Variants in ABCC3 observed in about 807,000 individuals in gnomAD.
ABCC3 encodes ATP-binding cassette sub-family C member 3.
In ABCC3, 121 loss-of-function variants were observed where a neutral mutation model predicts 165.3. The observed-to-expected ratio is 0.73, with a 90% confidence interval of 0.63 to 0.85. The LOEUF (loss-of-function observed/expected upper bound fraction) is 0.85. ABCC3 is among the 40% of genes least tolerant of loss of function. The pLI is 0.00. For synonymous variants in ABCC3, 733 were observed against 810.1 expected, an observed-to-expected ratio of 0.90 and a Z score of 1.62; for missense variants, 1,869 against 1,964.1, an observed-to-expected ratio of 0.95 and a Z score of 0.92.
Position 50,644,971 on chromosome 17 carries a change from TCA to T in ABCC3, c.45+9992_45+9993del, listed in dbSNP as rs976188402. Among the ~76,000 whole-genome samples the T allele has an allele frequency of 2.7e-4, 41 of 152,134 alleles. No individual in the cohort carries two copies. In the Middle Eastern group the frequency reaches 0.01, roughly 38 times the overall value. ...AGGCGGAGCTTGCAGTGAGCCGAGA[TCA>T]CGCCACTGCACTCCAGCCTGGGCGA... On this transcript the variant is annotated intron_variant, in intron 1 of 30. Transcript: ENST00000285238.
At chr17:50,689,438 G>A (rs1302053796) in intron 30 of ABCC3, among the ~76,000 whole-genome samples, 1 of 152,218 alleles carries the variant, frequency 6.6e-6, no homozygotes, top group Non-Finnish European at 1.5e-5. Flanking sequence ...GAGTGAACTG[G>A]CCCTGGCCTG....
chr17:50,657,833 T>C (rs949259099), intron 4 of ABCC3, among the ~76,000 whole-genome samples: 18 of 152,332 alleles, frequency 1.2e-4, no homozygotes, highest in African/African-American at 4.3e-4. Flanking sequence ...GATGTCCCAG[T>C]TAGACAAGGT....
rs1488595636 is a variant in ABCC3, at chr17:50,668,909, A to C, written c.1927A>C (p.Thr643Pro). Residue 643 changes from threonine to proline, a missense_variant, in exon 15 of 31, where the codon ACT (threonine) becomes CCT (proline). Transcript: ENST00000285238. Reference protein sequence around the residue: ...TFTWAQDLPPTLHSLDIQVPK... With the variant: ...TFTWAQDLPPPLHSLDIQVPK... ...CACCTGGGCCCAGGACCTGCCCCCC[A>C]CTCTGCACAGGTACCAGCTTCTCCC... 3 of 1,613,020 alleles carry C rather than the reference A, an allele frequency of 1.9e-6. No individual in the cohort carries two copies. The East Asian group carries it at 6.7e-5, about 36-fold the overall frequency.
intron 26 of ABCC3, among the ~76,000 whole-genome samples, chr17:50,682,778 C>G (rs575119321): frequency 6.6e-6 from 1 of 152,298 alleles, no homozygotes; most frequent in South Asian, 2.1e-4. Flanking sequence ...ACATAAATCT[C>G]ACGAGGGTGA....
At chr17:50,641,773 C>T (rs533549974) in intron 1 of ABCC3, among the ~76,000 whole-genome samples, 2 of 152,186 alleles carry the variant, frequency 1.3e-5, no homozygotes, top group South Asian at 4.1e-4. Context: ...AGGCCAGGTG[C>T]AGTGGCTCAT....
intron 1 of ABCC3, chr17:50,635,217 C>T (rs1327884712): frequency 6.4e-6 from 4 of 627,654 alleles, no homozygotes; most frequent in Non-Finnish European, 1.1e-5. Context: ...GGCTGCAGCA[C>T]TGGGGAGCCC....
chr17:50,648,054 T>A (rs977285494), intron 1 of ABCC3, among the ~76,000 whole-genome samples: 1 of 150,990 alleles, frequency 6.6e-6, no homozygotes, highest in Non-Finnish European at 1.5e-5. Context: ...AAAAAAAAAA[T>A]TGTAGTTGGA....
Position 50,691,209 on chromosome 17 carries a change from C to A in ABCC3, c.*9C>A. On this transcript the variant is annotated 3_prime_UTR_variant, in exon 31 of 31. Coordinates refer to ENST00000285238, the MANE Select transcript of ABCC3 (RefSeq NM_003786.4). ...ATGCTGGACTTGCCTAAAATATATTCCTGAGATTTCCTCCTGGCCTTTCCT... is the reference window on the plus strand; with the variant it reads ...ATGCTGGACTTGCCTAAAATATATTACTGAGATTTCCTCCTGGCCTTTCCT... 6.3e-7 allele frequency: 1 copy of A among 1,595,906 alleles called. No homozygotes were observed. The highest frequency in any genetic ancestry group is 8.6e-7 in the Non-Finnish European group (1 of 1,163,600).
At chr17:50,641,953 A>G (rs1462950465) in intron 1 of ABCC3, among the ~76,000 whole-genome samples, 1 of 151,928 alleles carries the variant, frequency 6.6e-6, no homozygotes, top group Admixed American at 6.6e-5. Context: ...AGGCTGAGGC[A>G]GGAGGATCGC....
At chr17:50,643,020 A>G (rs1049750580) in intron 1 of ABCC3, among the ~76,000 whole-genome samples, 4 of 152,252 alleles carry the variant, frequency 2.6e-5, no homozygotes, top group African/African-American at 9.6e-5. Context: ...CAACATCCAG[A>G]TAACAACTAG....
In ABCC3 at chr17:50,667,945, C is replaced by T; in HGVS notation, c.1718C>T (p.Ser573Phe). ...LDAEKAFVSV[S>F]LFNILRLPLN... ...GCCGAGAAGGCCTTTGTGTCTGTGT[C>T]CTTGTTTAATATCTTAAGACTTCCC... Residue 573 changes from serine to phenylalanine, a missense_variant, in exon 13 of 31, where the codon TCC becomes TTC. Coordinates refer to ENST00000285238, the MANE Select transcript of ABCC3 (RefSeq NM_003786.4). 6.2e-7 allele frequency: 1 copy of T among 1,614,172 alleles called. No individual in the cohort carries two copies. The highest frequency in any genetic ancestry group is 8.5e-7 in the Non-Finnish European group (1 of 1,180,036).
rs1162983310 is a variant in ABCC3, at chr17:50,669,128, C to T, written c.1938-12C>T. On this transcript the variant is annotated splice_polypyrimidine_tract_variant and intron_variant, in intron 15 of 30. Transcript: ENST00000285238. ...CTGCCTCTAACTGGACTCCTGGGGTCCTTGCCCCCAGCCTAGACATCCAGG... is the reference window on the plus strand; with the variant it reads ...CTGCCTCTAACTGGACTCCTGGGGTTCTTGCCCCCAGCCTAGACATCCAGG... 2.5e-6 allele frequency: 4 copies of T among 1,595,542 alleles called. No homozygotes were observed. The highest frequency in any genetic ancestry group is 3.7e-5 in the Admixed American group (2 of 54,548).
intron 13 of ABCC3, 125 bp from the exon 14 acceptor site, chr17:50,668,305 C>A: frequency 1.3e-6 from 1 of 778,086 alleles, no homozygotes; most frequent in Non-Finnish European, 2.1e-6. Context: ...GTGGGAGGGA[C>A]CCCAGTGCTA....
chr17:50,650,331 TC>T (rs1242612178), intron 1 of ABCC3, among the ~76,000 whole-genome samples: 2 of 152,164 alleles, frequency 1.3e-5, no homozygotes, highest in Non-Finnish European at 2.9e-5. Flanking sequence ...GGGCTCGAAC[TC>T]CTGACCTCAA....
chr17:50,691,305 C>T lies in ABCC3; in HGVS notation c.*105C>T. 1 of 891,884 alleles carries T rather than the reference C, an allele frequency of 1.1e-6. No homozygotes were observed. Among genetic ancestry groups the T allele is most frequent in the Non-Finnish European group, 1.8e-6 (1 of 554,614 alleles). The allele number at this position is 891,884 out of a possible 1,614,324, so 55.2% of individuals were successfully genotyped here. On this transcript the variant is annotated 3_prime_UTR_variant, in exon 31 of 31. Coordinates refer to ENST00000285238, the MANE Select transcript of ABCC3 (RefSeq NM_003786.4). Reference sequence around the variant, plus strand: ...GACTTGATAGCAAACACTGGGGGCACCTTAAGATTTTGCACCTGTAAAGTG... The same window carrying T: ...GACTTGATAGCAAACACTGGGGGCATCTTAAGATTTTGCACCTGTAAAGTG...
chr17:50,676,170 G>A (rs1360628932), intron 22 of ABCC3, 80 bp downstream of exon 22: 1 of 1,596,468 alleles, frequency 6.3e-7, no homozygotes. Context: ...CCGTGCCCTT[G>A]CATCCAAGCC....
At chr17:50,659,061 A>T in intron 6 of ABCC3, 176 bp from the exon 7 acceptor site, 1 of 670,470 alleles carries the variant, frequency 1.5e-6, no homozygotes, top group Non-Finnish European at 2.4e-6. Context: ...AGGGAGAGCC[A>T]GTGACCTCAA....
chr17:50,675,497 A>C (rs377190974), intron 20 of ABCC3, 21 bp downstream of exon 20: 3 of 1,607,940 alleles, frequency 1.9e-6, no homozygotes. Context: ...GAGAGCTCCC[A>C]GCCCTCCCGG....
At chr17:50,656,251 A>G (rs1476112137) in intron 2 of ABCC3, among the ~76,000 whole-genome samples, 2 of 151,966 alleles carry the variant, frequency 1.3e-5, no homozygotes, top group Non-Finnish European at 2.9e-5. Flanking sequence ...ACACCCAGCT[A>G]ATTTTTGTAT....
Sources: gnomAD v4.1 joint callset for allele counts (sites outside exome capture counted in the v4.1 genomes callset) on GRCh38, gnomAD v4.1.1 for gene constraint, MANE v1.5 for transcripts, NCBI Gene and HGNC (gene_info 2026-07-23, HGNC 2026-07-21) for gene names.